SLC15A1: variants seen among roughly 807,000 people sequenced by gnomAD.
SLC15A1 encodes the protein Caco-2 oligopeptide transporter.
Under a neutral mutation model 92.9 loss-of-function variants are expected in SLC15A1, and 83 were observed. That is an observed-to-expected ratio of 0.89 (90% CI 0.75 to 1.07). SLC15A1 has a LOEUF of 1.07. Among genes scored for constraint, SLC15A1 ranks in the 50% least tolerant of loss-of-function variants. The pLI is 0.00. For synonymous variants in SLC15A1, 322 were observed against 318.2 expected (o/e 1.01, Z -0.13); for missense variants, 857 against 880.1 (o/e 0.97, Z 0.33).
intron 18 of SLC15A1, among the ~76,000 whole-genome samples, chr13:98,694,942 C>T (rs1160311712): frequency 4.1e-5 from 6 of 147,466 alleles, no homozygotes; most frequent in Non-Finnish European, 7.4e-5. Context: ...GCAGGGGAAC[C>T]GCTTGAACCT....
chr13:98,724,131 C>A, intron 4 of SLC15A1, 100 bp from the exon 5 acceptor site: 1 of 1,425,824 alleles, frequency 7.0e-7, no homozygotes, highest in Non-Finnish European at 9.7e-7. Context: ...CTTTCAAGAG[C>A]CCAATCCTGA....
chr13:98,719,452 C>T (rs2088237098), intron 7 of SLC15A1, 132 bp from the exon 8 acceptor site: 3 of 577,006 alleles, frequency 5.2e-6, no homozygotes, highest in Non-Finnish European at 9.0e-6. Flanking sequence ...ATTTGCCTCA[C>T]TGACATAATT....
At chr13:98,701,284 G>A (rs1353684525) in intron 18 of SLC15A1, among the ~76,000 whole-genome samples, 3 of 152,116 alleles carry the variant, frequency 2.0e-5, no homozygotes, top group Non-Finnish European at 4.4e-5. Flanking sequence ...TTCATATTCT[G>A]TGGGGGGAGA....
chr13:98,706,466 G>A (rs1593988640), intron 15 of SLC15A1, among the ~76,000 whole-genome samples: 3 of 152,244 alleles, frequency 2.0e-5, no homozygotes, highest in Admixed American at 6.5e-5. Context: ...GTTTGGCTGG[G>A]TCCCCACCCA....
chr13:98,688,700 T>A, intron 18 of SLC15A1, 123 bp from the exon 19 acceptor site: 2 of 713,740 alleles, frequency 2.8e-6, no homozygotes, highest in Non-Finnish European at 4.7e-6. Flanking sequence ...GTTTTCAGAA[T>A]ATTTCTAGAG....
intron 1 of SLC15A1, among the ~76,000 whole-genome samples, chr13:98,728,998 A>C (rs987847842): frequency 3.4e-5 from 5 of 147,298 alleles, no homozygotes; most frequent in Non-Finnish European, 6.0e-5. Context: ...AAAAAAAAAA[A>C]AAAAAAAACA....
At chr13:98,736,696 A>C (rs902371545) in intron 1 of SLC15A1, among the ~76,000 whole-genome samples, 4 of 152,254 alleles carry the variant, frequency 2.6e-5, no homozygotes, top group Non-Finnish European at 4.4e-5. Context: ...ATGAACAGAC[A>C]CTTCTCAAAA....
chr13:98,703,178 A>AGGGAGGG (rs1566446267), intron 17 of SLC15A1, among the ~76,000 whole-genome samples: 2 of 129,574 alleles, frequency 1.5e-5, no homozygotes, highest in East Asian at 5.5e-4. Flanking sequence ...GGAAGGAAGG[A>AGGGAGGG]AGGGAGGGAG....
chr13:98,751,452 A>G (rs2088546130), intron 1 of SLC15A1, among the ~76,000 whole-genome samples: 1 of 152,226 alleles, frequency 6.6e-6, no homozygotes, highest in Non-Finnish European at 1.5e-5. Context: ...GAAATAGTTC[A>G]GAGCACCTCC....
At chr13:98,714,653 C>CAAAAAAAAAAAA (rs11378347) in intron 9 of SLC15A1, among the ~76,000 whole-genome samples, 1 of 94,380 alleles carries the variant, frequency 1.1e-5, no homozygotes, top group Admixed American at 1.4e-4. Context: ...GACTCCATCT[C>CAAAAAAAAAAAA]AAAAAAAAAA....
intron 1 of SLC15A1, among the ~76,000 whole-genome samples, chr13:98,734,601 G>C (rs1260707207): frequency 1.3e-5 from 2 of 152,108 alleles, no homozygotes; most frequent in African/African-American, 4.8e-5. Context: ...AACGGTCTTA[G>C]CAAATGGCAC....
intron 1 of SLC15A1, among the ~76,000 whole-genome samples, chr13:98,748,806 G>A (rs1320760262): frequency 1.3e-5 from 2 of 152,258 alleles, no homozygotes; most frequent in African/African-American, 4.8e-5. Context: ...TTAGAGTCGT[G>A]GTTCTCAAAG....
rs1223366589 is a variant in SLC15A1 at position 98,726,226 on chromosome 13, C to T, written c.142G>A (p.Asp48Asn). Residue 48 changes from aspartate to asparagine, a missense_variant, in exon 4 of 23, where the codon GAT (aspartate) becomes AAT (asparagine). By Grantham distance (23) the Asp-to-Asn change is conservative. Coordinates refer to ENST00000376503, the MANE Select transcript of SLC15A1 (RefSeq NM_005073.4). ...TAGATGGCGGTGGACAGGTTATCAT[C>T]CCAGCTGATGAAATTTGTGAAGTAC... ...ILYFTNFISW[D>N]DNLSTAIYHT... is the part of the protein sequence containing the mutation. The T allele has an allele frequency of 2.5e-6, 4 of 1,613,820 alleles. No individual in the cohort carries two copies. The highest frequency in any genetic ancestry group is 2.7e-5 in the African/African-American group (2 of 74,826).
At chr13:98,697,821 A>G (rs1158985116) in intron 18 of SLC15A1, among the ~76,000 whole-genome samples, 3 of 152,198 alleles carry the variant, frequency 2.0e-5, no homozygotes, top group Non-Finnish European at 4.4e-5. Flanking sequence ...AAGATGACAT[A>G]AAATCCAAGA....
Position 98,688,370 on chromosome 13 carries a change from G to T in SLC15A1, c.1575-14C>A. 2 of 1,609,440 alleles carry T rather than the reference G, an allele frequency of 1.2e-6. No individual in the cohort carries two copies. Among genetic ancestry groups the T allele is most frequent in the South Asian group, 2.2e-5 (2 of 90,584 alleles). On this transcript the variant is annotated splice_polypyrimidine_tract_variant and intron_variant, in intron 19 of 22. Transcript: ENST00000376503. Reference sequence around the variant, plus strand: ...GTGAAGCCTTTTCTATCAAAATAAAGAATAATATTGGTTAACATTCTTGGC... The same window carrying T: ...GTGAAGCCTTTTCTATCAAAATAAATAATAATATTGGTTAACATTCTTGGC...
chr13:98,686,858 A>C (rs980312910), intron 21 of SLC15A1, among the ~76,000 whole-genome samples: 1 of 152,162 alleles, frequency 6.6e-6, no homozygotes, highest in African/African-American at 2.4e-5. Flanking sequence ...ACAGTTCAAT[A>C]ATTAAGCTCT....
intron 18 of SLC15A1, among the ~76,000 whole-genome samples, chr13:98,689,720 G>C (rs2087959981): frequency 6.6e-6 from 1 of 152,182 alleles, no homozygotes; most frequent in African/African-American, 2.4e-5. Context: ...AAAGCACTGG[G>C]ATTATGGGTA....
chr13:98,716,920 C>T (rs996080085), intron 8 of SLC15A1, among the ~76,000 whole-genome samples: 2 of 152,080 alleles, frequency 1.3e-5, no homozygotes, highest in African/African-American at 4.8e-5. Flanking sequence ...TGTGGCAGCT[C>T]ATGTCTGTAA....
At chr13:98,729,650 C>T (rs754748142) in intron 1 of SLC15A1, among the ~76,000 whole-genome samples, 2 of 152,252 alleles carry the variant, frequency 1.3e-5, no homozygotes, top group Non-Finnish European at 2.9e-5. Context: ...CCATCTCCCA[C>T]ATCGTTTCCC....
Sources: gnomAD v4.1 joint callset for allele counts (sites outside exome capture counted in the v4.1 genomes callset) on GRCh38, gnomAD v4.1.1 for gene constraint, MANE v1.5 for transcripts, NCBI Gene and HGNC (gene_info 2026-07-23, HGNC 2026-07-21) for gene names.